Variants in CA14 observed in about 807,000 individuals in gnomAD.
The protein encoded by CA14 is carbonic anhydrase 14.
In CA14, 44 loss-of-function variants were observed where a neutral mutation model predicts 48.8. That is an observed-to-expected ratio of 0.90 (90% confidence interval 0.71 to 1.16). The LOEUF is 1.16. Ranked by LOEUF, CA14 falls within the 50% of genes most tolerant of loss-of-function variation. CA14 has a pLI of 0.00. For missense variants in CA14, 386 were observed against 401.0 expected, an observed-to-expected ratio of 0.96 and a Z score of 0.32; for synonymous variants, 154 against 155.0, an observed-to-expected ratio of 0.99 and a Z score of 0.05.
intron 2 of CA14, chr1:150,260,475 C>T (rs958086117): frequency 1.6e-5 from 8 of 489,086 alleles, no homozygotes; most frequent in Non-Finnish European, 3.0e-5. Flanking sequence ...GCCAGGTCTC[C>T]TTCTGGCTCC....
At chr1:150,262,655 C>A in intron 5 of CA14, 35 bp downstream of exon 5, 1 of 1,535,224 alleles carries the variant, frequency 6.5e-7, no homozygotes, top group Non-Finnish European at 9.0e-7. Context: ...GGTTTCTCTC[C>A]ACTTCCTCTG....
intron 2 of CA14, chr1:150,260,529 G>T: frequency 2.6e-6 from 1 of 385,032 alleles, no homozygotes. Context: ...TCTGAAATTG[G>T]GACAGAGCTG....
In CA14 at chr1:150,261,603, C is replaced by A. The variant is rs1422894054; in HGVS notation, c.221C>A (p.Thr74Asn). ...CCCCACGGATATGACCAGCCTGGCA[C>A]CGAGCCTTTGGACCTGCACAACAAT... is the stretch of plus-strand genomic sequence containing the variant. Reference protein sequence around the residue: ...LQPHGYDQPGTEPLDLHNNGH... With the variant: ...LQPHGYDQPGNEPLDLHNNGH... The change falls in exon 3 of 11, where the codon ACC becomes AAC. Residue 74 changes from threonine to asparagine, a missense_variant. Coordinates refer to ENST00000369111, the MANE Select transcript of CA14 (RefSeq NM_012113.3). 3 of 1,613,986 alleles carry A rather than the reference C, an allele frequency of 1.9e-6. No individual in the cohort carries two copies. The African/African-American group carries it at 4.0e-5, about 22-fold the overall frequency.
intron 10 of CA14, 86 bp from the exon 11 acceptor site, chr1:150,264,505 CTT>C (rs1651483123): frequency 5.0e-6 from 4 of 805,614 alleles, no homozygotes; most frequent in Admixed American, 2.0e-5. Context: ...GCCCAGCCCT[CTT>C]TTCTGTTAAA....
intron 1 of CA14, among the ~76,000 whole-genome samples, chr1:150,258,648 A>G (rs587600933): frequency 1.3e-5 from 2 of 152,288 alleles, no homozygotes; most frequent in South Asian, 4.1e-4. Context: ...TTTGGCCAAG[A>G]TTCCCTCTTC....
At position 150,262,538 on chromosome 1, in the gene CA14, A is replaced by T; in HGVS notation, c.413A>T (p.His138Leu). 3.1e-6 allele frequency: 5 copies of T among 1,613,702 alleles called. No individual in the cohort carries two copies. The highest frequency in any genetic ancestry group is 8.5e-7 in the Non-Finnish European group (1 of 1,179,590). Residue 138 changes from histidine (H) to leucine (L), a missense_variant, in exon 5 of 11, where the codon CAT becomes CTT. By Grantham distance (99) the His-to-Leu change is moderately conservative. Coordinates refer to ENST00000369111, the MANE Select transcript of CA14 (RefSeq NM_012113.3). ...TCCTTCCTTTAGCTCCACATTGTAC[A>T]TTATGACTCTGATTCCTATGACAGC... ...EATFAELHIVHYDSDSYDSLS... is the reference protein window; with the variant it reads ...EATFAELHIVLYDSDSYDSLS...
intron 4 of CA14, 73 bp downstream of exon 4, chr1:150,262,373 C>T: frequency 1.9e-6 from 3 of 1,549,720 alleles, no homozygotes; most frequent in Admixed American, 1.8e-5. Context: ...GGATCTGGAC[C>T]TTAGGAAAAG....
In CA14 at chr1:150,258,057, C is replaced by T; in HGVS notation, c.-72C>T. On this transcript the variant is annotated 5_prime_UTR_variant, in exon 1 of 11. Coordinates refer to ENST00000369111, the MANE Select transcript of CA14 (RefSeq NM_012113.3). ...CTCTCTCTCTCTCTCACTCCTCCCT[C>T]CCTCTCTCTCTGCCTGTCCTAGTCC... The T allele has an allele frequency of 8.5e-7, 1 of 1,177,108 alleles. No homozygotes were observed. Among genetic ancestry groups the T allele is most frequent in the Non-Finnish European group, 1.2e-6 (1 of 820,384 alleles). The allele number at this position is 1,177,108 out of a possible 1,614,324, so 72.9% of individuals were successfully genotyped here.
At chr1:150,262,332 A>G (rs200336310) in intron 4 of CA14, 32 bp downstream of exon 4, 25 of 1,575,666 alleles carry the variant, frequency 1.6e-5, no homozygotes, top group Non-Finnish European at 2.2e-5. Flanking sequence ...GGACTCAGAC[A>G]AAGTAACAGG....
rs1424912295 is a variant in CA14, at chr1:150,264,619, G to C, written c.974G>C (p.Ser325Thr). The C allele has an allele frequency of 3.1e-6, 5 of 1,612,614 alleles. No individual in the cohort carries two copies. Among genetic ancestry groups the C allele is most frequent in the Non-Finnish European group, 4.2e-6 (5 of 1,178,876 alleles). The change falls in exon 11 of 11, where the codon AGT becomes ACT. Residue 325 changes from serine to threonine, a missense_variant. Transcript: ENST00000369111. Reference protein sequence around the residue: ...IRKKRLENRKSVVFTSAQATT... With the variant: ...IRKKRLENRKTVVFTSAQATT... ...AAGAAGAGGCTGGAAAACCGAAAGAGTGTGGTCTTCACCTCAGCACAAGCC... is the reference window on the plus strand; with the variant it reads ...AAGAAGAGGCTGGAAAACCGAAAGACTGTGGTCTTCACCTCAGCACAAGCC...
chr1:150,258,327 TGGA>T, intron 1 of CA14, 144 bp downstream of exon 1: 1 of 562,272 alleles, frequency 1.8e-6, no homozygotes, highest in South Asian at 2.7e-5. Flanking sequence ...GAGTGGGGTG[TGGA>T]GGAGACCACT....
chr1:150,261,455 C>A lies in CA14; in HGVS notation c.77-4C>A. The A allele has an allele frequency of 6.2e-7, 1 of 1,613,228 alleles. No individual in the cohort carries two copies. Among genetic ancestry groups the A allele is most frequent in the East Asian group, 2.2e-5 (1 of 44,874 alleles). ...GGACCAATGTCTTTGGTAACCCCCA[C>A]CAGGCCCACATGGTCAGGACCATTG... On this transcript the variant is annotated splice_region_variant and splice_polypyrimidine_tract_variant and intron_variant, in intron 2 of 10. Coordinates refer to ENST00000369111, the MANE Select transcript of CA14 (RefSeq NM_012113.3).
intron 4 of CA14, 39 bp from the exon 5 acceptor site, chr1:150,262,486 C>A: frequency 6.5e-7 from 1 of 1,549,778 alleles, no homozygotes; most frequent in Non-Finnish European, 8.9e-7. Context: ...GAAGGGGGTG[C>A]AGACATTCCA....
At chr1:150,259,107 G>C (rs1650784664) in intron 1 of CA14, among the ~76,000 whole-genome samples, 1 of 152,178 alleles carries the variant, frequency 6.6e-6, no homozygotes, top group Non-Finnish European at 1.5e-5. Context: ...TGAGTTGTTG[G>C]GGGGTCCCAC....
intron 1 of CA14, among the ~76,000 whole-genome samples, chr1:150,259,283 T>C (rs955721699): frequency 6.6e-6 from 1 of 152,198 alleles, no homozygotes; most frequent in African/African-American, 2.4e-5. Context: ...GTATGAATAT[T>C]GCAGCATAAA....
At position 150,262,509 on chromosome 1, in the gene CA14, C is replaced by G; in HGVS notation, c.400-16C>G. ...TGCAGACATTCCATGATTCAATTCC[C>G]TCTTCCTTCCTTTAGCTCCACATTG... On this transcript the variant is annotated splice_polypyrimidine_tract_variant and intron_variant, in intron 4 of 10. Transcript: ENST00000369111. 3 of 1,603,412 alleles carry G rather than the reference C, an allele frequency of 1.9e-6. No individual in the cohort carries two copies. The highest frequency in any genetic ancestry group is 2.6e-6 in the Non-Finnish European group (3 of 1,170,392).
chr1:150,262,327 C>CA (rs782209173), intron 4 of CA14, 27 bp downstream of exon 4: 13 of 1,578,250 alleles, frequency 8.2e-6, no homozygotes, highest in African/African-American at 2.7e-5. Flanking sequence ...AGCTGGGACT[C>CA]AGACAAAGTA....
rs781968821 is a variant in CA14, at chr1:150,262,539, T to A, written c.414T>A (p.His138Gln). ...EATFAELHIVHYDSDSYDSLS... is the reference protein window; with the variant it reads ...EATFAELHIVQYDSDSYDSLS... ...CCTTCCTTTAGCTCCACATTGTACA[T>A]TATGACTCTGATTCCTATGACAGCT... The change falls in exon 5 of 11, where the codon CAT (histidine) becomes CAA (glutamine). Residue 138 changes from histidine to glutamine, a missense_variant. Physicochemically the swap from His to Gln is conservative, Grantham distance 24 (BLOSUM62 0). Transcript: ENST00000369111. The A allele has an allele frequency of 6.2e-7, 1 of 1,613,652 alleles. No homozygotes were observed. Among genetic ancestry groups the A allele is most frequent in the East Asian group, 2.2e-5 (1 of 44,870 alleles).
In CA14 at chr1:150,263,776, T is replaced by C; in HGVS notation, c.863-18T>C. 6.2e-7 allele frequency: 1 copy of C among 1,613,350 alleles called. No homozygotes were observed. The highest frequency in any genetic ancestry group is 8.5e-7 in the Non-Finnish European group (1 of 1,179,244). ...ATGTTAGTCCTAGGCTGACACCTTTTACCTTTATCTCCCCCAGGTGAAATG... is the reference window on the plus strand; with the variant it reads ...ATGTTAGTCCTAGGCTGACACCTTTCACCTTTATCTCCCCCAGGTGAAATG... On this transcript the variant is annotated intron_variant, in intron 9 of 10. Transcript: ENST00000369111.
Sources: allele counts gnomAD v4.1 joint callset (sites outside exome capture counted in the v4.1 genomes callset), GRCh38; gene constraint gnomAD v4.1.1; transcripts MANE v1.5; gene names NCBI Gene and HGNC (gene_info 2026-07-23, HGNC 2026-07-21).